The following UBAP2 variants were observed in gnomAD, a reference collection of about 807,000 sequenced individuals.
UBAP2 encodes ubiquitin associated protein 2.
Under a neutral mutation model 139.6 loss-of-function variants are expected in UBAP2, and 75 were observed. The observed-to-expected ratio is 0.54, with a 90% CI of 0.45 to 0.65. The LOEUF (loss-of-function observed/expected upper bound fraction) is 0.65, where lower values mean the gene tolerates loss of function less well. Ranked by LOEUF, UBAP2 falls within the 30% of genes least tolerant of loss-of-function variation. UBAP2 has a pLI of 0.00. For missense variants in UBAP2, 1,368 were observed against 1,369.6 expected, an observed-to-expected ratio of 1.00 and a Z score of 0.02; for synonymous variants, 526 against 526.2, an observed-to-expected ratio of 1.00 and a Z score of 0.01.
chr9:34,027,271 A>AG (rs1825479966), intron 1 of UBAP2, among the ~76,000 whole-genome samples: 1 of 151,314 alleles, frequency 6.6e-6, no homozygotes, highest in Non-Finnish European at 1.5e-5. Context: ...ACTTGAGGTC[A>AG]GGAGTTTGAG....
intron 15 of UBAP2, among the ~76,000 whole-genome samples, 185 bp from the exon 16 acceptor site, chr9:33,942,047 C>T (rs1392936487): frequency 1.3e-5 from 2 of 152,156 alleles, no homozygotes; most frequent in African/African-American, 4.8e-5. Flanking sequence ...CGTGCGGTGG[C>T]TCACGCCTGT....
intron 2 of UBAP2, among the ~76,000 whole-genome samples, chr9:34,002,441 G>C (rs963613898): frequency 6.9e-6 from 1 of 144,332 alleles, no homozygotes; most frequent in Non-Finnish European, 1.5e-5. Flanking sequence ...TGCATGGCGC[G>C]ATATCGGCTC....
intron 4 of UBAP2, among the ~76,000 whole-genome samples, chr9:33,990,556 A>G (rs1196197675): frequency 6.6e-6 from 1 of 152,126 alleles, no homozygotes; most frequent in East Asian, 1.9e-4. Context: ...AGGTGAAACA[A>G]TGAGGTATTA....
intron 1 of UBAP2, among the ~76,000 whole-genome samples, chr9:34,035,512 A>ATATATATATATATATATATAT (rs1554692765): frequency 5.3e-4 from 2 of 3,794 alleles, no homozygotes; most frequent in African/African-American, 8.7e-4. Flanking sequence ...AAAAAAAAAA[A>ATATATATATATATATATATAT]AAATATATAT....
At chr9:34,032,464 G>C (rs1353411823) in intron 1 of UBAP2, among the ~76,000 whole-genome samples, 1 of 152,124 alleles carries the variant, frequency 6.6e-6, no homozygotes, top group African/African-American at 2.4e-5. Flanking sequence ...CACAGGAAAG[G>C]GGATAAAGGA....
chr9:34,016,312 G>C, intron 2 of UBAP2, among the ~76,000 whole-genome samples: 1 of 128,940 alleles, frequency 7.8e-6, no homozygotes, highest in African/African-American at 2.9e-5. Context: ...GGAAGAGGAG[G>C]AAGAGAAGGA....
intron 8 of UBAP2, among the ~76,000 whole-genome samples, chr9:33,964,725 A>C (rs544430815): frequency 2.0e-5 from 3 of 152,092 alleles, no homozygotes; most frequent in Non-Finnish European, 2.9e-5. Flanking sequence ...AAAAAAAAAG[A>C]AGCAAGAAAA....
At chr9:33,949,297 T>G (rs1361300362) in intron 12 of UBAP2, among the ~76,000 whole-genome samples, 4 of 152,174 alleles carry the variant, frequency 2.6e-5, no homozygotes, top group Non-Finnish European at 5.9e-5. Context: ...AAGATATGCT[T>G]GACCAACAAA....
chr9:33,955,275 C>CT (rs759318366), intron 11 of UBAP2, among the ~76,000 whole-genome samples: 30 of 151,838 alleles, frequency 2.0e-4, no homozygotes, highest in Admixed American at 5.9e-4. Context: ...AATCCCAGCA[C>CT]TTTAGGAGGC....
rs1231307579 is a variant in UBAP2, at chr9:33,989,125, G to T, written c.290C>A (p.Thr97Asn). 6.2e-7 allele frequency: 1 copy of T among 1,604,442 alleles called. No individual in the cohort carries two copies. The highest frequency in any genetic ancestry group is 8.5e-7 in the Non-Finnish European group (1 of 1,177,382). Reference sequence around the variant, plus strand: ...CTTACACCCTACAGTCTCCCATGAAGTCTATCAGAGAGAACGGCTGTTAAT... The same window carrying T: ...CTTACACCCTACAGTCTCCCATGAATTCTATCAGAGAGAACGGCTGTTAAT... Reference protein sequence around the residue: ...NILLEGNSDTTSWETVGCKKK... With the variant: ...NILLEGNSDTNSWETVGCKKK... Residue 97 changes from threonine to asparagine, a missense_variant and splice_region_variant, in exon 5 of 29, where the codon ACT (threonine) becomes AAT (asparagine). Physicochemically the swap from Thr to Asn is moderately conservative, Grantham distance 65. Transcript: ENST00000379238.
chr9:33,971,117 T>A (rs1827886870), intron 8 of UBAP2, among the ~76,000 whole-genome samples: 1 of 152,190 alleles, frequency 6.6e-6, no homozygotes, highest in South Asian at 2.1e-4. Context: ...TATGTTTCTA[T>A]AAGTATAATC....
intron 1 of UBAP2, among the ~76,000 whole-genome samples, chr9:34,042,477 C>CAAAAAA (rs10713651): frequency 9.4e-6 from 1 of 106,190 alleles, no homozygotes. Context: ...GACTCCGTCT[C>CAAAAAA]AAAAAAAAAA....
At chr9:34,000,988 T>G in intron 2 of UBAP2, among the ~76,000 whole-genome samples, 1 of 152,350 alleles carries the variant, frequency 6.6e-6, no homozygotes, top group Middle Eastern at 3.4e-3. Context: ...ACCTTACATA[T>G]ACTCTCACTA....
chr9:33,922,777 G>A lies in UBAP2; in HGVS notation c.3174C>T (p.Gly1058=). 1 of 1,560,166 alleles carries A rather than the reference G, an allele frequency of 6.4e-7. No homozygotes were observed. Among genetic ancestry groups the A allele is most frequent in the East Asian group, 2.2e-5 (1 of 44,456 alleles). ...TGPLASGAAP[G]YAPPPFLHIL... ...TGTGTAGGAATGGTGGGGGTGCATA[G>A]CCAGGGGCCGCTCCCGAGGCCAGGG... Residue 1058 remains glycine, a synonymous_variant, in exon 28 of 29, where the codon GGC becomes GGT. Transcript: ENST00000379238.
At chr9:33,965,776 C>T (rs900019346) in intron 8 of UBAP2, among the ~76,000 whole-genome samples, 10 of 145,328 alleles carry the variant, frequency 6.9e-5, no homozygotes, top group African/African-American at 2.1e-4. Flanking sequence ...GGGCCGGGTG[C>T]GGTGGCTCAC....
intron 1 of UBAP2, among the ~76,000 whole-genome samples, chr9:34,017,998 G>C (rs904243908): frequency 1.3e-5 from 2 of 151,692 alleles, no homozygotes; most frequent in African/African-American, 4.8e-5. Flanking sequence ...TAGCTACTAA[G>C]TGTCAAGCAC....
At chr9:33,963,636 T>G (rs1827236534) in intron 9 of UBAP2, 90 bp downstream of exon 9, 1 of 758,604 alleles carries the variant, frequency 1.3e-6, no homozygotes, top group Non-Finnish European at 2.1e-6. Flanking sequence ...TGATAAATTT[T>G]TATTAGCTAG....
chr9:33,963,539 C>T (rs1827230360), intron 9 of UBAP2, among the ~76,000 whole-genome samples, 187 bp downstream of exon 9: 1 of 152,106 alleles, frequency 6.6e-6, no homozygotes, highest in African/African-American at 2.4e-5. Context: ...TTCTGTGGCA[C>T]CTTGAAAGTC....
At chr9:34,041,429 C>T (rs1827072875) in intron 1 of UBAP2, among the ~76,000 whole-genome samples, 1 of 138,066 alleles carries the variant, frequency 7.2e-6, no homozygotes, top group African/African-American at 2.8e-5. Context: ...CGCACCATTG[C>T]ACTCTAGCCT....
Sources: gnomAD v4.1 joint callset for allele counts (sites outside exome capture counted in the v4.1 genomes callset) on GRCh38, gnomAD v4.1.1 for gene constraint, MANE v1.5 for transcripts, NCBI Gene and HGNC (gene_info 2026-07-23, HGNC 2026-07-21) for gene names.